The following PYGB variants were observed in gnomAD, a reference collection of about 807,000 sequenced individuals.
PYGB encodes the protein glycogen phosphorylase B.
A neutral mutation model predicts 94.3 loss-of-function variants in PYGB; 82 were observed. The observed-to-expected ratio is 0.87, with a 90% confidence interval of 0.73 to 1.04. PYGB has a LOEUF of 1.04. Ranked by LOEUF, PYGB falls within the 50% of genes least tolerant of loss-of-function variation. The pLI is 0.00. For synonymous variants in PYGB, 488 were observed against 479.1 expected (o/e 1.02, Z -0.24); for missense variants, 1,132 against 1,158.2 (o/e 0.98, Z 0.33).
intron 4 of PYGB, 101 bp downstream of exon 4, chr20:25,271,587 A>T: frequency 7.1e-6 from 9 of 1,274,272 alleles, no homozygotes; most frequent in Non-Finnish European, 1.0e-5. Context: ...CGCCCCCGCC[A>T]GGGGACTGCA....
intron 3 of PYGB, 24 bp from the exon 4 acceptor site, chr20:25,271,359 C>CT: frequency 6.2e-7 from 1 of 1,609,634 alleles, no homozygotes; most frequent in Non-Finnish European, 8.5e-7. Flanking sequence ...TTGATTCTGA[C>CT]TGATTTGTGA....
chr20:25,275,233 C>T (rs934374164), intron 5 of PYGB, among the ~76,000 whole-genome samples: 4 of 152,240 alleles, frequency 2.6e-5, no homozygotes, highest in Non-Finnish European at 4.4e-5. Flanking sequence ...GGGTGACATC[C>T]GGGGATGGGG....
chr20:25,291,484 C>A (rs139511505), intron 16 of PYGB, among the ~76,000 whole-genome samples: 59 of 152,322 alleles, frequency 3.9e-4, no homozygotes, highest in Middle Eastern at 6.8e-3. Flanking sequence ...AGGGGGGGAT[C>A]CCTGGGCACC....
intron 2 of PYGB, among the ~76,000 whole-genome samples, chr20:25,266,362 C>T (rs1004413144): frequency 2.0e-5 from 3 of 151,760 alleles, no homozygotes; most frequent in African/African-American, 7.3e-5. Context: ...TAAATGAAAT[C>T]GAACCCCTAC....
Position 25,278,357 on chromosome 20 carries a change from C to T in PYGB, c.894C>T (p.Tyr298=), listed in dbSNP as rs1455779408. ...EGKELRLKQE[Y]FVVAATLQDI... is the part of the protein sequence containing the mutation. ...AGGAGCTGCGGCTGAAGCAGGAGTA[C>T]TTCGTGGTGGCCGCCACGCTCCAGG... Residue 298 remains tyrosine (Y), a synonymous_variant, in exon 8 of 20, where the codon TAC becomes TAT. Transcript: ENST00000216962. The T allele has an allele frequency of 2.5e-6, 4 of 1,610,958 alleles. No individual in the cohort carries two copies. Among genetic ancestry groups the T allele is most frequent in the Non-Finnish European group, 2.5e-6 (3 of 1,179,232 alleles).
At chr20:25,293,248 A>G (rs1290368566) in intron 17 of PYGB, among the ~76,000 whole-genome samples, 2 of 151,932 alleles carry the variant, frequency 1.3e-5, no homozygotes, top group Non-Finnish European at 2.9e-5. Flanking sequence ...CGTTGGCTGC[A>G]CTGAGCTCAG....
chr20:25,251,884 T>G (rs1032659992), intron 1 of PYGB, among the ~76,000 whole-genome samples: 1 of 152,192 alleles, frequency 6.6e-6, no homozygotes, highest in African/African-American at 2.4e-5. Flanking sequence ...CCTAATGAGA[T>G]AAACACAATG....
intron 19 of PYGB, 143 bp from the exon 20 acceptor site, chr20:25,296,227 T>C: frequency 9.9e-7 from 1 of 1,007,158 alleles, no homozygotes; most frequent in Non-Finnish European, 1.5e-6. Flanking sequence ...AACGAACAAG[T>C]GATTGTAATG....
chr20:25,252,980 C>T (rs914655370), intron 1 of PYGB, among the ~76,000 whole-genome samples: 2 of 152,254 alleles, frequency 1.3e-5, no homozygotes, highest in Non-Finnish European at 1.5e-5. Flanking sequence ...TTGGTGACCA[C>T]ATCAGGCGTG....
chr20:25,277,203 A>G, intron 6 of PYGB, 41 bp from the exon 7 acceptor site: 1 of 1,479,998 alleles, frequency 6.8e-7, no homozygotes, highest in Non-Finnish European at 9.5e-7. Flanking sequence ...TGCTGGTGCC[A>G]GGAGGCATGT....
intron 1 of PYGB, among the ~76,000 whole-genome samples, chr20:25,255,268 T>A (rs1568682328): frequency 6.6e-6 from 1 of 152,162 alleles, no homozygotes; most frequent in Non-Finnish European, 1.5e-5. Flanking sequence ...AACCTCAGCG[T>A]CTGGCAGGTG....
chr20:25,268,167 C>CCCCCCCCT (rs772366458), intron 2 of PYGB, among the ~76,000 whole-genome samples: 7 of 94,920 alleles, frequency 7.4e-5, no homozygotes, highest in Admixed American at 3.6e-4. Flanking sequence ...ACCCGCCCCC[C>CCCCCCCCT]CCCCATATCC....
intron 6 of PYGB, among the ~76,000 whole-genome samples, 156 bp downstream of exon 6, chr20:25,276,913 G>A (rs1447707052): frequency 6.6e-6 from 1 of 152,124 alleles, no homozygotes; most frequent in Non-Finnish European, 1.5e-5. Flanking sequence ...GAGCGAGGCT[G>A]GTGCAGCTTA....
intron 16 of PYGB, among the ~76,000 whole-genome samples, chr20:25,292,097 T>C (rs1333060336): frequency 6.6e-6 from 1 of 152,210 alleles, no homozygotes; most frequent in Non-Finnish European, 1.5e-5. Flanking sequence ...GACTGGCTCC[T>C]TGGCTAGGCC....
rs2088343900 is a variant in PYGB, at chr20:25,279,259, G to A, written c.1092+110G>A. 4.2e-5 allele frequency: 50 copies of A among 1,199,492 alleles called. 2 individuals are homozygous for A. The South Asian group carries it at 7.0e-4, about 17-fold the overall frequency. 74.3% of individuals were successfully genotyped at this position (1,199,492 alleles called of 1,614,324 possible). A position where few individuals can be genotyped will look rare whatever the true frequency, so the allele number is the denominator to read the frequency against. ...TCTTCCCTGGCCTTGGGAGAGCTGT[G>A]TGGTCATCATGCCCAGGAGAGACGC... On this transcript the variant is annotated intron_variant, in intron 9 of 19. Transcript: ENST00000216962.
chr20:25,283,102 G>A, intron 12 of PYGB, 74 bp from the exon 13 acceptor site: 1 of 1,250,702 alleles, frequency 8.0e-7, no homozygotes. Flanking sequence ...AACAATGGGA[G>A]GAGGGCAGGT....
intron 12 of PYGB, 37 bp from the exon 13 acceptor site, chr20:25,283,139 T>C: frequency 1.3e-6 from 2 of 1,549,770 alleles, no homozygotes; most frequent in Non-Finnish European, 1.8e-6. Context: ...CTCAGGAGGC[T>C]GAGGCCCACA....
At position 25,296,617 on chromosome 20, in the gene PYGB, C is replaced by T; in HGVS notation, c.*95C>T. The T allele has an allele frequency of 6.9e-7, 1 of 1,452,482 alleles. No homozygotes were observed. The highest frequency in any genetic ancestry group is 9.2e-7 in the Non-Finnish European group (1 of 1,081,920). 90.0% of individuals were successfully genotyped at this position (1,452,482 alleles called of 1,614,324 possible). A position where few individuals can be genotyped will look rare whatever the true frequency, so the allele number is the denominator to read the frequency against. ...AAACACTTTGCCAGCCACTGGTGGT[C>T]CCTGCTTTTCTGAGTACCATGTTTC... On this transcript the variant is annotated 3_prime_UTR_variant, in exon 20 of 20. Transcript: ENST00000216962.
At chr20:25,249,374 TTTG>T (rs1387357078) in intron 1 of PYGB, among the ~76,000 whole-genome samples, 6 of 152,316 alleles carry the variant, frequency 3.9e-5, no homozygotes, top group South Asian at 2.1e-4. Context: ...TTGCCAGTTT[TTTG>T]TTGTTGTCGT....
Sources: gnomAD v4.1 joint callset for allele counts (sites outside exome capture counted in the v4.1 genomes callset) on GRCh38, gnomAD v4.1.1 for gene constraint, MANE v1.5 for transcripts, NCBI Gene and HGNC (gene_info 2026-07-23, HGNC 2026-07-21) for gene names.